The following DAB1 variants were observed in gnomAD, a reference collection of about 807,000 sequenced individuals.
DAB1 encodes disabled homolog 1.
DAB1 carries 15 observed loss-of-function variants against 64.6 expected under a neutral mutation model. The ratio of observed to expected loss-of-function variants is 0.23; its 90% CI spans 0.16 to 0.36. The LOEUF (loss-of-function observed/expected upper bound fraction) is 0.36, where lower values mean the gene tolerates loss of function less well. Among genes scored for constraint, DAB1 ranks in the 10% least tolerant of loss-of-function variants. DAB1 has a pLI of 1.00. For missense variants in DAB1, 596 were observed against 706.7 expected (o/e 0.84, Z 1.78); for synonymous variants, 235 against 251.9 (o/e 0.93, Z 0.64).
chr1:58,086,320 C>T (rs1570333594), intron 5 of DAB1, among the ~76,000 whole-genome samples: 1 of 152,244 alleles, frequency 6.6e-6, no homozygotes, highest in South Asian at 2.1e-4. Flanking sequence ...ACACCTAACA[C>T]ATTTAAAGGC....
chr1:58,114,812 T>C (rs1323346928), intron 5 of DAB1, among the ~76,000 whole-genome samples: 1 of 152,210 alleles, frequency 6.6e-6, no homozygotes, highest in Admixed American at 6.5e-5. Context: ...TGATATTCAA[T>C]CAGTGTGTAT....
At chr1:57,859,837 C>T (rs1046756780) in intron 1 of DAB1, among the ~76,000 whole-genome samples, 2 of 152,134 alleles carry the variant, frequency 1.3e-5, no homozygotes, top group Non-Finnish European at 2.9e-5. Flanking sequence ...CTGTGAATAC[C>T]AGGACTATAC....
chr1:57,781,545 T>C (rs77789268), intron 6 of DAB1, among the ~76,000 whole-genome samples: 1,790 of 152,114 alleles, frequency 0.012, 29 homozygotes, highest in African/African-American at 0.042. Flanking sequence ...CATTCCCAAT[T>C]TACAGATGGA....
intron 5 of DAB1, among the ~76,000 whole-genome samples, chr1:58,007,587 T>G (rs1477806209): frequency 6.6e-6 from 1 of 152,202 alleles, no homozygotes; most frequent in Non-Finnish European, 1.5e-5. Context: ...CAATCATGTT[T>G]GGCATCATCC....
chr1:57,835,387 T>C (rs911847598), intron 1 of DAB1, among the ~76,000 whole-genome samples: 10 of 152,186 alleles, frequency 6.6e-5, no homozygotes, highest in Non-Finnish European at 1.5e-4. Context: ...AACTGACTCA[T>C]TGAAAAATTG....
At chr1:57,847,324 A>C (rs963188374) in intron 1 of DAB1, among the ~76,000 whole-genome samples, 1 of 152,206 alleles carries the variant, frequency 6.6e-6, no homozygotes, top group Non-Finnish European at 1.5e-5. Flanking sequence ...TAGAAGAAAA[A>C]AAAGGAAAAC....
chr1:58,149,478 G>C (rs913772417), intron 5 of DAB1, among the ~76,000 whole-genome samples: 1 of 152,160 alleles, frequency 6.6e-6, no homozygotes, highest in African/African-American at 2.4e-5. Context: ...CTTAGTGATA[G>C]TTACCCTGAC....
chr1:58,184,892 G>T (rs1656986818), intron 4 of DAB1, among the ~76,000 whole-genome samples: 2 of 152,146 alleles, frequency 1.3e-5, no homozygotes, highest in African/African-American at 4.8e-5. Flanking sequence ...AAAAGCTCAG[G>T]CATGGGAACA....
At chr1:57,021,225 T>A (rs1001641817) in intron 11 of DAB1, among the ~76,000 whole-genome samples, 2 of 152,120 alleles carry the variant, frequency 1.3e-5, no homozygotes, top group African/African-American at 4.8e-5. Flanking sequence ...AGAAAGGAAA[T>A]CTGGATATGT....
At position 57,984,131 on chromosome 1, in the gene DAB1, C is replaced by T. The variant is rs536422061; in HGVS notation, n.388-99969G>A. 5.5e-5 allele frequency among the ~76,000 whole-genome samples: 8 copies of T among 145,158 alleles called. No homozygotes were observed. In the South Asian group the frequency reaches 1.5e-3, roughly 28 times the overall value. On this transcript the variant is annotated intron_variant and non_coding_transcript_variant, in intron 5 of 20. Transcript: ENST00000485760. The stretch of plus-strand genomic sequence containing the variant: ...TAAAAAATATCAAGAAATAGGAGCT[C>T]GCCTTGGTAATATAACAGTTGCAGG...
At chr1:58,128,776 T>C (rs1365011883) in intron 5 of DAB1, among the ~76,000 whole-genome samples, 1 of 135,902 alleles carries the variant, frequency 7.4e-6, no homozygotes, top group African/African-American at 2.8e-5. Flanking sequence ...TTTGCGTATA[T>C]TGAACCAGCC....
rs936668467 is a variant in DAB1, at chr1:57,650,637, A to G, written n.552-972T>C. 3.3e-5 allele frequency among the ~76,000 whole-genome samples: 5 copies of G among 152,284 alleles called. 1 individual carries two copies. The East Asian group carries it at 9.7e-4, about 29-fold the overall frequency. ...GTGGTCATCTTTGTAGTATGATTGT[A>G]GGTTATTTTTCTCTTGTTTCTTTAT... On this transcript the variant is annotated intron_variant and non_coding_transcript_variant, in intron 6 of 20. Coordinates refer to the DAB1 transcript ENST00000485760.
Position 58,003,595 on chromosome 1 carries a change from G to A in DAB1, n.388-119433C>T, listed in dbSNP as rs368784670. ...GGGTCAGGACTGTTCTGCTCTTTGT[G>A]TGCTGACTTCAGTATTCAGTCTGCC... On this transcript the variant is annotated intron_variant and non_coding_transcript_variant, in intron 5 of 20. Transcript: ENST00000485760. Among the ~76,000 whole-genome samples, 3 of 152,244 alleles carry A rather than the reference G, an allele frequency of 2.0e-5. No individual in the cohort carries two copies. The East Asian group carries it at 5.8e-4, about 29-fold the overall frequency.
At chr1:57,080,427 T>C (rs188600909) in intron 4 of DAB1, among the ~76,000 whole-genome samples, 5 of 152,226 alleles carry the variant, frequency 3.3e-5, no homozygotes, top group African/African-American at 9.6e-5. Flanking sequence ...TAAATACTCA[T>C]GTCCTCTTTT....
At chr1:57,553,461 A>AAAGG in intron 7 of DAB1, among the ~76,000 whole-genome samples, 1 of 54,098 alleles carries the variant, frequency 1.8e-5, no homozygotes, top group Non-Finnish European at 4.5e-5. Context: ...AGAAAGAAAG[A>AAAGG]GAAAGGGAAA....
At position 57,627,892 on chromosome 1, in the gene DAB1, A is replaced by G. The variant is rs148154077; in HGVS notation, n.625+21700T>C. On this transcript the variant is annotated intron_variant and non_coding_transcript_variant, in intron 7 of 20. Transcript: ENST00000485760. Reference sequence around the variant, plus strand: ...TCAAGTCTCAGTGCCTAGTCCTTCCAAGATCCTTGGAGTTAACTCTCCTTG... The same window carrying G: ...TCAAGTCTCAGTGCCTAGTCCTTCCGAGATCCTTGGAGTTAACTCTCCTTG... Among the ~76,000 whole-genome samples, 248 of 151,692 alleles carry G rather than the reference A, an allele frequency of 1.6e-3. 1 individual carries two copies. Among genetic ancestry groups the G allele is most frequent in the African/African-American group, 5.3e-3 (221 of 41,418 alleles).
intron 3 of DAB1, among the ~76,000 whole-genome samples, chr1:58,403,914 T>G (rs192821777): frequency 6.6e-6 from 1 of 152,348 alleles, no homozygotes; most frequent in African/African-American, 2.4e-5. Context: ...TTTTTGCTAC[T>G]CACAAGCTGT....
At chr1:57,630,040 A>G (rs561823281) in intron 7 of DAB1, among the ~76,000 whole-genome samples, 16 of 152,304 alleles carry the variant, frequency 1.1e-4, no homozygotes, top group Middle Eastern at 3.4e-3. Context: ...ATTATTTCCA[A>G]TTTCTTGAGA....
chr1:57,483,621 GT>G (rs890753318), intron 7 of DAB1, among the ~76,000 whole-genome samples: 3 of 151,542 alleles, frequency 2.0e-5, no homozygotes, highest in East Asian at 1.9e-4. Flanking sequence ...TTCTGTTTTT[GT>G]TTTTTTTGAG....
Sources: allele counts gnomAD v4.1 joint callset (sites outside exome capture counted in the v4.1 genomes callset), GRCh38; gene constraint gnomAD v4.1.1; transcripts MANE v1.5; gene names NCBI Gene and HGNC (gene_info 2026-07-23, HGNC 2026-07-21).